Variants in KAZN observed in about 807,000 individuals in gnomAD.
KAZN encodes the protein kazrin.
A neutral mutation model predicts 87.4 loss-of-function variants in KAZN; 40 were observed. The ratio of observed to expected loss-of-function variants is 0.46; its 90% CI spans 0.36 to 0.60. KAZN has a LOEUF of 0.60. Ranked by LOEUF, KAZN falls within the 20% of genes least tolerant of loss-of-function variation. The pLI is 0.00. For synonymous variants in KAZN, 466 were observed against 458.3 expected (o/e 1.02, Z -0.22); for missense variants, 898 against 1,073.9 (o/e 0.84, Z 2.29).
intron 1 of KAZN, among the ~76,000 whole-genome samples, chr1:14,796,597 TAGA>T (rs1292367420): frequency 2.0e-5 from 3 of 152,242 alleles, no homozygotes; most frequent in African/African-American, 7.2e-5. Flanking sequence ...AAAAAGGGTA[TAGA>T]CGTGCATGGT....
intron 2 of KAZN, among the ~76,000 whole-genome samples, chr1:15,001,969 C>A: frequency 6.7e-6 from 1 of 149,572 alleles, no homozygotes; most frequent in East Asian, 2.0e-4. Context: ...CAAGCTCCGC[C>A]TCCTGGGTTC....
intron 1 of KAZN, among the ~76,000 whole-genome samples, chr1:14,679,121 C>T (rs1231503763): frequency 2.6e-5 from 4 of 152,120 alleles, no homozygotes; most frequent in Non-Finnish European, 5.9e-5. Context: ...TGGTGAAGTC[C>T]ATAAATCAAG....
chr1:14,632,823 G>A, intron 1 of KAZN, among the ~76,000 whole-genome samples: 1 of 152,106 alleles, frequency 6.6e-6, no homozygotes, highest in South Asian at 2.1e-4. Context: ...GCCAGGTGTG[G>A]ACCGTGGCGT....
chr1:15,044,099 G>T lies in KAZN; in HGVS notation c.666G>T (p.Leu222=). 1 of 1,612,430 alleles carries T rather than the reference G, an allele frequency of 6.2e-7. No individual in the cohort carries two copies. Among genetic ancestry groups the T allele is most frequent in the Non-Finnish European group, 8.5e-7 (1 of 1,179,582 alleles). ...AKEATDHATA[L]RSQLDLKDNR... is the part of the protein sequence containing the mutation. ...AGGCCACAGACCACGCCACGGCACT[G>T]CGCTCCCAGCTGGACCTCAAGGACA... Residue 222 remains leucine, a synonymous_variant, in exon 4 of 15, where the codon CTG becomes CTT. Transcript: ENST00000376030.
chr1:14,331,583 T>TCATTGGTCTATA (rs1557644441), intron 2 of KAZN, among the ~76,000 whole-genome samples: 2 of 152,230 alleles, frequency 1.3e-5, no homozygotes, highest in Non-Finnish European at 2.9e-5. Context: ...GGGTTAATTA[T>TCATTGGTCTATA]AAGCTGTGGT....
chr1:14,353,117 G>C (rs551743889), intron 2 of KAZN, among the ~76,000 whole-genome samples: 1 of 152,192 alleles, frequency 6.6e-6, no homozygotes, highest in East Asian at 1.9e-4. Flanking sequence ...AGGGATGTTT[G>C]CTTCCATCAT....
chr1:14,174,364 A>G (rs542357971), intron 1 of KAZN, among the ~76,000 whole-genome samples: 1 of 152,300 alleles, frequency 6.6e-6, no homozygotes, highest in Non-Finnish European at 1.5e-5. Flanking sequence ...TGTCAACGTG[A>G]TGTTGCTCAG....
chr1:14,850,389 C>T (rs909323966), intron 1 of KAZN, among the ~76,000 whole-genome samples: 1 of 152,166 alleles, frequency 6.6e-6, no homozygotes, highest in African/African-American at 2.4e-5. Flanking sequence ...TCATCTGTGA[C>T]ATGTTTAAGG....
intron 1 of KAZN, among the ~76,000 whole-genome samples, chr1:13,982,519 G>C (rs918144902): frequency 2.0e-5 from 3 of 152,216 alleles, no homozygotes; most frequent in Non-Finnish European, 4.4e-5. Flanking sequence ...AAAGAACAAA[G>C]CTTCCACAGC....
intron 1 of KAZN, among the ~76,000 whole-genome samples, chr1:14,081,926 G>A (rs913201524): frequency 6.6e-6 from 1 of 151,860 alleles, no homozygotes; most frequent in Admixed American, 6.6e-5. Context: ...GTGTGCCATC[G>A]CCCCCAGCTA....
chr1:14,330,475 C>G (rs1255515917), intron 2 of KAZN, among the ~76,000 whole-genome samples: 3 of 152,308 alleles, frequency 2.0e-5, no homozygotes, highest in Middle Eastern at 3.4e-3. Flanking sequence ...CCAGACCACA[C>G]TCTCTCCCAT....
chr1:14,071,634 A>G (rs1406161839), intron 1 of KAZN, among the ~76,000 whole-genome samples: 2 of 152,202 alleles, frequency 1.3e-5, no homozygotes, highest in Non-Finnish European at 2.9e-5. Flanking sequence ...TCACTTGGAC[A>G]TGGTGTGTCC....
At chr1:14,390,299 G>A (rs1187959059) in intron 2 of KAZN, among the ~76,000 whole-genome samples, 1 of 152,188 alleles carries the variant, frequency 6.6e-6, no homozygotes, top group East Asian at 1.9e-4. Flanking sequence ...GGAAAAGACA[G>A]AAAATAAGAT....
intron 2 of KAZN, among the ~76,000 whole-genome samples, chr1:14,582,850 C>T (rs545920034): frequency 6.6e-5 from 10 of 152,248 alleles, no homozygotes; most frequent in East Asian, 1.9e-4. Flanking sequence ...CTCAAAAACA[C>T]GCTCTTAAAG....
chr1:15,085,061 C>G (rs1447228469), intron 8 of KAZN, among the ~76,000 whole-genome samples: 2 of 151,708 alleles, frequency 1.3e-5, no homozygotes, highest in Admixed American at 1.3e-4. Context: ...AAAAATATAG[C>G]TGATAACATT....
At chr1:14,825,502 G>C (rs1557528316) in intron 1 of KAZN, among the ~76,000 whole-genome samples, 1 of 152,144 alleles carries the variant, frequency 6.6e-6, no homozygotes, top group Non-Finnish European at 1.5e-5. Flanking sequence ...GTGCCTCCAG[G>C]CATGAGGGCT....
chr1:13,893,763 A>C (rs1638925724), intron 1 of KAZN: 1 of 1,550,218 alleles, frequency 6.5e-7, no homozygotes, highest in Non-Finnish European at 8.7e-7. Context: ...GCAGGTAGGA[A>C]TTGCGTCGTG....
rs577764739 is a variant in KAZN at position 14,094,423 on chromosome 1, T to C, written c.92-86012T>C. Among the ~76,000 whole-genome samples the C allele has an allele frequency of 8.5e-5, 13 of 152,298 alleles. 1 individual carries two copies. The highest frequency in any genetic ancestry group is 3.4e-3 in the Middle Eastern group (1 of 294). On this transcript the variant is annotated intron_variant, in intron 1 of 16. Coordinates refer to the KAZN transcript ENST00000636203. ...ATTCAAGGACAAGGTTTTTCACTAG[T>C]GTGTTATTATTTGTGATTACAAAAG...
intron 1 of KAZN, among the ~76,000 whole-genome samples, chr1:14,664,412 G>A (rs1639385353): frequency 2.0e-5 from 3 of 152,178 alleles, no homozygotes; most frequent in Non-Finnish European, 4.4e-5. Flanking sequence ...CATCCTGGGT[G>A]ACAGAGTGAG....
Sources: allele counts gnomAD v4.1 joint callset (sites outside exome capture counted in the v4.1 genomes callset), GRCh38; gene constraint gnomAD v4.1.1; transcripts MANE v1.5; gene names NCBI Gene and HGNC (gene_info 2026-07-23, HGNC 2026-07-21).